Variants in NCAM1 observed in about 807,000 individuals in gnomAD.
The protein encoded by NCAM1 is antigen recognized by monoclonal antibody 5.1H11.
Under a neutral mutation model 109.8 loss-of-function variants are expected in NCAM1, and 14 were observed. The observed-to-expected ratio is 0.13, with a 90% CI of 0.08 to 0.20. NCAM1 has a LOEUF of 0.20. Among genes scored for constraint, NCAM1 ranks in the 10% least tolerant of loss-of-function variants. The pLI, the probability that NCAM1 is intolerant of heterozygous loss-of-function variation, is 1.00. For missense variants in NCAM1, 774 were observed against 1,109.9 expected, an observed-to-expected ratio of 0.70 and a Z score of 4.30; for synonymous variants, 418 against 442.9, an observed-to-expected ratio of 0.94 and a Z score of 0.70.
intron 14 of NCAM1, among the ~76,000 whole-genome samples, chr11:113,244,654 C>CGTGTGT (rs55798470): frequency 9.7e-4 from 145 of 149,870 alleles, no homozygotes; most frequent in African/African-American, 3.3e-3. Flanking sequence ...TGTGTGTGTG[C>CGTGTGT]GTGTGTGTGT....
rs11214486 is a variant in NCAM1, at chr11:113,094,147, G to C, written c.53-108232G>C. On this transcript the variant is annotated intron_variant, in intron 1 of 19. Coordinates refer to ENST00000316851, the MANE Select transcript of NCAM1 (RefSeq NM_181351.5). ...CAAAAATGAACAGCAATGACTTGGG[G>C]GAGGGACCAATCTGACATCTGTTGA... Among the ~76,000 whole-genome samples the C allele has an allele frequency of 3.1e-3, 469 of 152,308 alleles. 11 individuals are homozygous for C. The East Asian group carries it at 0.068, about 22-fold the overall frequency.
At position 113,127,403 on chromosome 11, in the gene NCAM1, T is replaced by C. The variant is rs1448940383; in HGVS notation, c.53-74976T>C. On this transcript the variant is annotated intron_variant, in intron 1 of 19. Coordinates refer to ENST00000316851, the MANE Select transcript of NCAM1 (RefSeq NM_181351.5). ...AGAAAACTGTTTCAGGAGTTACCAG[T>C]GCTTTTGTCTCTTTTCTTCCGGAAG... 2.6e-5 allele frequency among the ~76,000 whole-genome samples: 4 copies of C among 152,184 alleles called. No individual in the cohort carries two copies. In the East Asian group the frequency reaches 7.7e-4, roughly 29 times the overall value.
intron 1 of NCAM1, among the ~76,000 whole-genome samples, chr11:113,074,064 T>C (rs2135592397): frequency 6.6e-6 from 1 of 152,180 alleles, no homozygotes; most frequent in East Asian, 1.9e-4. Context: ...GAAGTAATAA[T>C]AGTATTTACA....
In NCAM1 at chr11:113,065,759, A is replaced by G. The variant is rs542100140; in HGVS notation, c.52+104095A>G. ...TAAGGAGATGTAACAACAAATTATA[A>G]TATGATACCCTGGATAGGGTCCTGG... On this transcript the variant is annotated intron_variant, in intron 1 of 19. Transcript: ENST00000316851. Among the ~76,000 whole-genome samples the G allele has an allele frequency of 8.5e-5, 13 of 152,334 alleles. No homozygotes were observed. In the East Asian group the frequency reaches 2.1e-3, roughly 25 times the overall value.
Position 113,168,724 on chromosome 11 carries a change from T to C in NCAM1, c.53-33655T>C, listed in dbSNP as rs1021542116. On this transcript the variant is annotated intron_variant, in intron 1 of 19. Transcript: ENST00000316851. ...TACCAAAAATTGCAGAGCAATTTGATCCAGTTTCTTTTGTTGAAACGCTGA... is the reference window on the plus strand; with the variant it reads ...TACCAAAAATTGCAGAGCAATTTGACCCAGTTTCTTTTGTTGAAACGCTGA... Among the ~76,000 whole-genome samples the C allele has an allele frequency of 6.6e-5, 10 of 152,350 alleles. No individual in the cohort carries two copies. In the South Asian group the frequency reaches 2.1e-3, roughly 32 times the overall value.
chr11:113,077,411 A>G (rs190534555), intron 1 of NCAM1, among the ~76,000 whole-genome samples: 292 of 152,304 alleles, frequency 1.9e-3, no homozygotes, highest in South Asian at 9.1e-3. Flanking sequence ...GGCACACTGC[A>G]AGTGTTTAAC....
In NCAM1 at chr11:112,999,260, T is replaced by C. The variant is rs911944202; in HGVS notation, c.52+37596T>C. The stretch of plus-strand genomic sequence containing the variant: ...GACCTTCACTCCTCTAAGTGGAAAA[T>C]GTATTGCTAAAAATAAAACTTAAGG... On this transcript the variant is annotated intron_variant, in intron 1 of 19. Transcript: ENST00000316851. Among the ~76,000 whole-genome samples the C allele has an allele frequency of 3.0e-4, 46 of 152,272 alleles. 1 individual carries two copies. Among genetic ancestry groups the C allele is most frequent in the African/African-American group, 1.1e-3 (45 of 41,562 alleles).
At chr11:113,112,614 G>A (rs782440573) in intron 1 of NCAM1, among the ~76,000 whole-genome samples, 6 of 151,930 alleles carry the variant, frequency 3.9e-5, no homozygotes, top group Non-Finnish European at 7.4e-5. Flanking sequence ...AACTGGACAG[G>A]GCTCATTGTT....
At chr11:112,964,143 TTTTTTTTTTTTG>T (rs201067749) in intron 1 of NCAM1, among the ~76,000 whole-genome samples, 17,091 of 44,824 alleles carry the variant, frequency 0.38, 1,100 homozygotes, top group South Asian at 0.57. Context: ...TTTTTTTGTT[TTTTTTTTTTTTG>T]TTTTTTTTTT....
At chr11:113,008,342 C>T (rs1951943870) in intron 1 of NCAM1, among the ~76,000 whole-genome samples, 1 of 152,144 alleles carries the variant, frequency 6.6e-6, no homozygotes, top group Non-Finnish European at 1.5e-5. Flanking sequence ...TCCTTGCAAG[C>T]TGAGGAGATC....
At chr11:113,179,080 G>A (rs1192507578) in intron 1 of NCAM1, among the ~76,000 whole-genome samples, 5 of 152,138 alleles carry the variant, frequency 3.3e-5, no homozygotes, top group African/African-American at 4.8e-5. Context: ...GAAATTTCAC[G>A]GTGGGAGGAT....
intron 14 of NCAM1, chr11:113,236,283 C>T: frequency 1.2e-6 from 2 of 1,613,126 alleles, no homozygotes. Context: ...GTCTGTGTTC[C>T]ATCCATGGGA....
chr11:113,240,022 C>G (rs1189601333), intron 14 of NCAM1, among the ~76,000 whole-genome samples: 2 of 152,204 alleles, frequency 1.3e-5, no homozygotes, highest in African/African-American at 4.8e-5. Flanking sequence ...GTCCCAGTAT[C>G]TCAGATGCAC....
At position 113,146,896 on chromosome 11, in the gene NCAM1, G is replaced by GAAA. The variant is rs113609450; in HGVS notation, c.53-55472_53-55470dup. ...GATAAGTGAGGGGTCTGTGTCTTAG[G>GAAA]AAAAAAAAAAAAACCTGCTTATTAA... On this transcript the variant is annotated intron_variant, in intron 1 of 19. Transcript: ENST00000316851. Among the ~76,000 whole-genome samples the GAAA allele has an allele frequency of 6.0e-4, 84 of 139,528 alleles. No individual in the cohort carries two copies. In the East Asian group the frequency reaches 7.8e-3, roughly 13 times the overall value. The allele number at this position is 139,528 out of a possible 152,430, so 91.5% of individuals were successfully genotyped here. A position where few individuals can be genotyped will look rare whatever the true frequency, so the allele number is the denominator to read the frequency against.
chr11:113,248,072 T>C (rs1169992546), intron 15 of NCAM1, among the ~76,000 whole-genome samples: 3 of 152,118 alleles, frequency 2.0e-5, no homozygotes, highest in Non-Finnish European at 4.4e-5. Context: ...CAAAGCACAA[T>C]GTTAATAAGG....
Position 113,109,149 on chromosome 11 carries a change from A to C in NCAM1, c.53-93230A>C, listed in dbSNP as rs566009417. Among the ~76,000 whole-genome samples the C allele has an allele frequency of 9.2e-5, 14 of 151,642 alleles. No homozygotes were observed. In the South Asian group the frequency reaches 2.9e-3, roughly 32 times the overall value. The stretch of plus-strand genomic sequence containing the variant: ...GATCACCTGAGGTCAGGAGTTCGAG[A>C]CCAGCCTGGCCAACATAGTGAAACC... On this transcript the variant is annotated intron_variant, in intron 1 of 19. Transcript: ENST00000316851.
intron 1 of NCAM1, among the ~76,000 whole-genome samples, chr11:113,153,475 A>AGAGAGT (rs1555102886): frequency 1.5e-4 from 22 of 148,770 alleles, no homozygotes; most frequent in East Asian, 6.0e-4. Context: ...AGAGAGAGAG[A>AGAGAGT]GTGTGTGTGT....
chr11:113,187,739 G>A (rs571484987), intron 1 of NCAM1, among the ~76,000 whole-genome samples: 3 of 152,284 alleles, frequency 2.0e-5, no homozygotes, highest in Middle Eastern at 3.4e-3. Context: ...CCTCCAGAGA[G>A]CAGAAAGAAA....
intron 1 of NCAM1, among the ~76,000 whole-genome samples, chr11:113,195,122 A>G (rs989797288): frequency 6.6e-6 from 1 of 152,240 alleles, no homozygotes; most frequent in Non-Finnish European, 1.5e-5. Flanking sequence ...GTACAAACAC[A>G]TATTTTATAG....
Sources: allele counts gnomAD v4.1 joint callset (sites outside exome capture counted in the v4.1 genomes callset), GRCh38; gene constraint gnomAD v4.1.1; transcripts MANE v1.5; gene names NCBI Gene and HGNC (gene_info 2026-07-23, HGNC 2026-07-21).